Variants in JAZF1 observed in about 807,000 individuals in gnomAD.
The protein encoded by JAZF1 is juxtaposed with another zinc finger protein 1.
JAZF1 carries 8 observed loss-of-function variants against 26.4 expected under a neutral mutation model. That is an observed-to-expected ratio of 0.30 (90% CI 0.18 to 0.55). The LOEUF is 0.55. Among genes scored for constraint, JAZF1 ranks in the 20% least tolerant of loss-of-function variants. The pLI is 0.94. For missense variants in JAZF1, 199 were observed against 322.0 expected (o/e 0.62, Z 2.92); for synonymous variants, 126 against 122.3 (o/e 1.03, Z -0.20).
intron 1 of JAZF1, among the ~76,000 whole-genome samples, chr7:28,033,371 C>A (rs1000690710): frequency 6.6e-6 from 1 of 152,320 alleles, no homozygotes; most frequent in East Asian, 1.9e-4. Context: ...GCTGGAATGG[C>A]AGCAGACTGT....
chr7:28,086,906 A>G lies in JAZF1; in HGVS notation c.115+93557T>C, dbSNP rs571887685. 2.6e-5 allele frequency among the ~76,000 whole-genome samples: 4 copies of G among 152,320 alleles called. No homozygotes were observed. In the East Asian group the frequency reaches 7.7e-4, roughly 29 times the overall value. On this transcript the variant is annotated intron_variant, in intron 1 of 4. Transcript: ENST00000283928. ...TAAAAAGAGTTAACAACTTCCCCACAGTAGTATTATAAGGGTGATGTACCC... is the reference window on the plus strand; with the variant it reads ...TAAAAAGAGTTAACAACTTCCCCACGGTAGTATTATAAGGGTGATGTACCC...
intron 3 of JAZF1, among the ~76,000 whole-genome samples, chr7:27,879,838 T>C (rs1783739944): frequency 6.6e-6 from 1 of 152,086 alleles, no homozygotes; most frequent in African/African-American, 2.4e-5. Context: ...CTCAGAACAC[T>C]ACAGACAAGA....
intron 3 of JAZF1, among the ~76,000 whole-genome samples, chr7:27,884,064 C>T (rs1783818731): frequency 6.6e-6 from 1 of 152,212 alleles, no homozygotes; most frequent in Non-Finnish European, 1.5e-5. Flanking sequence ...AAGTTGTGGA[C>T]TCCTGTTCTT....
At chr7:28,026,571 C>T (rs980497812) in intron 1 of JAZF1, among the ~76,000 whole-genome samples, 6 of 152,126 alleles carry the variant, frequency 3.9e-5, no homozygotes, top group Non-Finnish European at 7.4e-5. Flanking sequence ...AATGCATTCC[C>T]CCTAGAATGT....
intron 1 of JAZF1, among the ~76,000 whole-genome samples, chr7:28,148,926 T>A (rs1359247786): frequency 6.6e-6 from 1 of 152,242 alleles, no homozygotes; most frequent in Non-Finnish European, 1.5e-5. Context: ...AATGGGCAGC[T>A]GAGGAGTCCT....
intron 3 of JAZF1, among the ~76,000 whole-genome samples, chr7:27,891,671 G>C (rs1355129048): frequency 6.6e-6 from 1 of 151,986 alleles, no homozygotes; most frequent in Non-Finnish European, 1.5e-5. Flanking sequence ...TACAAAAAAA[G>C]TCAAAAAATT....
chr7:28,051,131 CAAAAA>C (rs775277755), intron 1 of JAZF1, among the ~76,000 whole-genome samples: 1 of 96,566 alleles, frequency 1.0e-5, no homozygotes. Flanking sequence ...GACTCCATCT[CAAAAA>C]AAAAAAAAAA....
At chr7:28,113,545 G>A (rs916834198) in intron 1 of JAZF1, among the ~76,000 whole-genome samples, 1 of 152,080 alleles carries the variant, frequency 6.6e-6, no homozygotes, top group South Asian at 2.1e-4. Flanking sequence ...TATTCATATC[G>A]GAGCTATAAC....
intron 3 of JAZF1, among the ~76,000 whole-genome samples, chr7:27,879,761 C>T (rs1783738963): frequency 6.6e-6 from 1 of 151,762 alleles, no homozygotes; most frequent in African/African-American, 2.4e-5. Context: ...TGAGAGGAAC[C>T]AATGAAAAAA....
intron 1 of JAZF1, among the ~76,000 whole-genome samples, chr7:28,019,626 C>A (rs533626477): frequency 7.9e-5 from 12 of 152,038 alleles, no homozygotes; most frequent in Non-Finnish European, 1.3e-4. Flanking sequence ...TTTCCTACCC[C>A]CCTCCTTGAC....
chr7:27,925,647 G>A (rs578003489), intron 2 of JAZF1, among the ~76,000 whole-genome samples: 18 of 152,074 alleles, frequency 1.2e-4, no homozygotes, highest in South Asian at 4.2e-4. Context: ...GCCTGGTCTC[G>A]AACTCCCAGC....
intron 1 of JAZF1, among the ~76,000 whole-genome samples, chr7:28,131,513 A>T (rs1241139755): frequency 6.6e-6 from 1 of 152,184 alleles, no homozygotes; most frequent in African/African-American, 2.4e-5. Flanking sequence ...CCTTAAAATT[A>T]TAGGTATTAT....
At chr7:28,061,713 T>G (rs1003322677) in intron 1 of JAZF1, among the ~76,000 whole-genome samples, 1 of 152,162 alleles carries the variant, frequency 6.6e-6, no homozygotes, top group African/African-American at 2.4e-5. Flanking sequence ...AGGCCCAGAA[T>G]GGCCGTATTT....
At chr7:27,950,032 A>C (rs1784983969) in intron 2 of JAZF1, among the ~76,000 whole-genome samples, 1 of 152,226 alleles carries the variant, frequency 6.6e-6, no homozygotes, top group Non-Finnish European at 1.5e-5. Context: ...TTTTCACGAT[A>C]CTTTTGATAC....
At chr7:28,136,206 C>T (rs145934468) in intron 1 of JAZF1, among the ~76,000 whole-genome samples, 2 of 152,342 alleles carry the variant, frequency 1.3e-5, no homozygotes, top group African/African-American at 4.8e-5. Flanking sequence ...AAATAACTCT[C>T]ACACTCTATT....
rs1782682483 is a variant in JAZF1 at position 27,831,080 on chromosome 7, T to C, written c.*1720A>G. ...GCACCAACTAGTTGCGTCTCATGTC[T>C]GGATCACCCTTTTAAACATAGGATA... On this transcript the variant is annotated 3_prime_UTR_variant, in exon 5 of 5. Coordinates refer to ENST00000283928, the MANE Select transcript of JAZF1 (RefSeq NM_175061.4). The C allele has an allele frequency of 4.5e-6, 1 of 222,776 alleles. No individual in the cohort carries two copies. The highest frequency in any genetic ancestry group is 2.2e-5 in the African/African-American group (1 of 44,784). The allele number at this position is 222,776 out of a possible 1,614,324, so 13.8% of individuals were successfully genotyped here.
At chr7:27,927,790 A>C (rs1784623952) in intron 2 of JAZF1, among the ~76,000 whole-genome samples, 1 of 152,220 alleles carries the variant, frequency 6.6e-6, no homozygotes, top group Non-Finnish European at 1.5e-5. Flanking sequence ...TTGGGTAAGG[A>C]GTTCTCAGCA....
intron 1 of JAZF1, among the ~76,000 whole-genome samples, chr7:28,098,653 A>G (rs1274947930): frequency 6.6e-6 from 1 of 152,230 alleles, no homozygotes; most frequent in Non-Finnish European, 1.5e-5. Context: ...GGGATGCCTC[A>G]CAATGTGTCC....
chr7:28,064,119 A>AAT lies in JAZF1; in HGVS notation c.116-72140_116-72139dup, dbSNP rs1554285632. Among the ~76,000 whole-genome samples, 16 of 151,982 alleles carry AAT rather than the reference A, an allele frequency of 1.1e-4. No homozygotes were observed. The East Asian group carries it at 2.3e-3, about 22-fold the overall frequency. ...ACATCCTGTAAATTATAATTTAAAA[A>AAT]ATATATATATATGTCTGAGGTAGGC... On this transcript the variant is annotated intron_variant, in intron 1 of 4. Coordinates refer to ENST00000283928, the MANE Select transcript of JAZF1 (RefSeq NM_175061.4).
Sources: gnomAD v4.1 joint callset for allele counts (sites outside exome capture counted in the v4.1 genomes callset) on GRCh38, gnomAD v4.1.1 for gene constraint, MANE v1.5 for transcripts, NCBI Gene and HGNC (gene_info 2026-07-23, HGNC 2026-07-21) for gene names.